The following ROBO1 variants were observed in gnomAD, a reference collection of about 807,000 sequenced individuals.
The protein encoded by ROBO1 is roundabout guidance receptor 1.
A neutral mutation model predicts 195.9 loss-of-function variants in ROBO1; 149 were observed. The observed-to-expected ratio is 0.76, with a 90% CI of 0.67 to 0.87. The LOEUF (loss-of-function observed/expected upper bound fraction) is 0.87, where lower values mean the gene tolerates loss of function less well. Among genes scored for constraint, ROBO1 ranks in the 40% least tolerant of loss-of-function variants. ROBO1 has a pLI of 0.00. For missense variants in ROBO1, 1,933 were observed against 2,068.3 expected, an observed-to-expected ratio of 0.93 and a Z score of 1.27; for synonymous variants, 816 against 733.2, an observed-to-expected ratio of 1.11 and a Z score of -1.82.
At chr3:79,052,154 T>A in intron 3 of ROBO1, among the ~76,000 whole-genome samples, 1 of 152,058 alleles carries the variant, frequency 6.6e-6, no homozygotes, top group East Asian at 1.9e-4. Context: ...CACTGAATTC[T>A]TTTTCTCAGC....
chr3:78,754,495 C>T (rs2082877837), intron 4 of ROBO1, among the ~76,000 whole-genome samples: 2 of 152,148 alleles, frequency 1.3e-5, no homozygotes, highest in Admixed American at 1.3e-4. Flanking sequence ...GTATTTATTG[C>T]CTGGCTCTTT....
At chr3:78,711,328 CTTCCTTCCTTCCTTCCTTCCT>C (rs2081689557) in intron 8 of ROBO1, among the ~76,000 whole-genome samples, 1 of 89,682 alleles carries the variant, frequency 1.1e-5, no homozygotes, top group African/African-American at 4.7e-5. Context: ...TCTCTCTCTC[CTTCCTTCCTTCCTTCCTTCCT>C]CCTTCCTTCC....
intron 4 of ROBO1, among the ~76,000 whole-genome samples, chr3:78,834,417 G>A (rs1333185654): frequency 6.7e-6 from 1 of 149,330 alleles, no homozygotes; most frequent in African/African-American, 2.5e-5. Flanking sequence ...ATGGTGCGGG[G>A]GTCAGAGGAA....
intron 2 of ROBO1, among the ~76,000 whole-genome samples, chr3:79,406,554 T>C (rs528841471): frequency 6.6e-6 from 1 of 151,980 alleles, no homozygotes; most frequent in African/African-American, 2.4e-5. Context: ...AGGGAAGAGA[T>C]GCATTGTGTG....
In ROBO1 at chr3:78,893,457, TCTC is replaced by T. The variant is rs547229672; in HGVS notation, c.499+45141_499+45143del. On this transcript the variant is annotated intron_variant, in intron 4 of 30. Transcript: ENST00000464233. ...CTGGCTGATGCCTTGACCCTAAACT[TCTC>T]AGCCTCTTCAACTGTGAGAAATAAA... 9.5e-4 allele frequency among the ~76,000 whole-genome samples: 144 copies of T among 152,290 alleles called. 1 individual carries two copies. Among genetic ancestry groups the T allele is most frequent in the African/African-American group, 3.3e-3 (139 of 41,560 alleles).
chr3:79,712,092 A>G (rs903961660), intron 1 of ROBO1, among the ~76,000 whole-genome samples: 4 of 152,074 alleles, frequency 2.6e-5, no homozygotes, highest in Non-Finnish European at 5.9e-5. Context: ...TTGAAACCAG[A>G]ACAACGAATA....
At chr3:78,913,904 C>A (rs759105430) in intron 4 of ROBO1, among the ~76,000 whole-genome samples, 13 of 152,132 alleles carry the variant, frequency 8.5e-5, no homozygotes, top group Non-Finnish European at 1.8e-4. Context: ...TTTCCCTAGG[C>A]TAGAGACCAA....
At chr3:79,446,742 T>C (rs1377372441) in intron 2 of ROBO1, among the ~76,000 whole-genome samples, 4 of 152,210 alleles carry the variant, frequency 2.6e-5, no homozygotes, top group African/African-American at 9.6e-5. Context: ...TCTACTCTCT[T>C]AGTCTTGTCT....
intron 3 of ROBO1, among the ~76,000 whole-genome samples, chr3:79,083,691 A>G (rs899172927): frequency 3.3e-5 from 5 of 152,180 alleles, no homozygotes; most frequent in African/African-American, 1.2e-4. Flanking sequence ...TTGGCCAATC[A>G]AGGGCAAAGT....
In ROBO1 at chr3:79,230,660, ATGT is replaced by A. The variant is rs1302533047; in HGVS notation, c.89-105124_89-105122del. On this transcript the variant is annotated intron_variant, in intron 2 of 30. Coordinates refer to ENST00000464233, the MANE Select transcript of ROBO1 (RefSeq NM_002941.4). ...CCATGCTCATGGATAGGAAGAATCAATGTTGTTAAAATACTACTGCTGAAAGCA... is the reference window on the plus strand; with the variant it reads ...CCATGCTCATGGATAGGAAGAATCAATGTTAAAATACTACTGCTGAAAGCA... Among the ~76,000 whole-genome samples the A allele has an allele frequency of 2.6e-5, 4 of 152,268 alleles. No individual in the cohort carries two copies. The East Asian group carries it at 7.7e-4, about 29-fold the overall frequency.
intron 1 of ROBO1, among the ~76,000 whole-genome samples, chr3:79,695,350 T>G (rs191747362): frequency 6.6e-6 from 1 of 151,744 alleles, no homozygotes; most frequent in Non-Finnish European, 1.5e-5. Context: ...ACAACCTCTT[T>G]GACGATGTGA....
intron 2 of ROBO1, among the ~76,000 whole-genome samples, chr3:79,225,409 T>A (rs1431323837): frequency 6.6e-6 from 1 of 152,174 alleles, no homozygotes; most frequent in African/African-American, 2.4e-5. Context: ...GCATAGAAAC[T>A]ATCCCTTAAA....
At chr3:79,080,190 CATT>C (rs1052811679) in intron 3 of ROBO1, among the ~76,000 whole-genome samples, 11 of 151,898 alleles carry the variant, frequency 7.2e-5, no homozygotes, top group Non-Finnish European at 1.2e-4. Context: ...TCATATAAAT[CATT>C]ATTTTTAAGA....
chr3:79,086,565 A>T (rs1002242307), intron 3 of ROBO1, among the ~76,000 whole-genome samples: 3 of 152,180 alleles, frequency 2.0e-5, no homozygotes, highest in African/African-American at 7.2e-5. Flanking sequence ...AGCTGCCCAG[A>T]CAGCTGAAGA....
Position 78,688,675 on chromosome 3 carries a change from A to G in ROBO1, c.1143T>C (p.Ala381=), listed in dbSNP as rs761188426. Residue 381 remains alanine, a synonymous_variant, in exon 9 of 31, where the codon GCT becomes GCC. Coordinates refer to ENST00000464233, the MANE Select transcript of ROBO1 (RefSeq NM_002941.4). ...QCEATGNPQP[A]IFWRREGSQN... is the part of the protein sequence containing the mutation. ...GACTCCCTTCTCTCCTCCAGAAAAT[A>G]GCTGGTTGAGGATTTCCGGTTGCTT... 1 of 1,606,110 alleles carries G rather than the reference A, an allele frequency of 6.2e-7. No homozygotes were observed. Among genetic ancestry groups the G allele is most frequent in the East Asian group, 2.2e-5 (1 of 44,634 alleles).
chr3:79,599,818 T>C (rs1469265012), intron 1 of ROBO1, among the ~76,000 whole-genome samples: 2 of 151,966 alleles, frequency 1.3e-5, no homozygotes, highest in African/African-American at 2.4e-5. Context: ...ATTCCTATAT[T>C]AGTAGAATTA....
intron 3 of ROBO1, among the ~76,000 whole-genome samples, chr3:79,116,258 T>C (rs2079992069): frequency 6.6e-6 from 1 of 152,044 alleles, no homozygotes; most frequent in Non-Finnish European, 1.5e-5. Context: ...AATCTCTTTC[T>C]TTCCCTTCCT....
intron 2 of ROBO1, among the ~76,000 whole-genome samples, chr3:79,562,906 A>G (rs1559995463): frequency 6.6e-6 from 1 of 152,052 alleles, no homozygotes; most frequent in Non-Finnish European, 1.5e-5. Flanking sequence ...TACCTAAAGC[A>G]TATTGATCAT....
intron 1 of ROBO1, among the ~76,000 whole-genome samples, chr3:79,747,139 G>A (rs1461682954): frequency 6.6e-6 from 1 of 151,924 alleles, no homozygotes; most frequent in Non-Finnish European, 1.5e-5. Context: ...ACTATATTTT[G>A]CTTGCAGATG....
Sources: allele counts gnomAD v4.1 joint callset (sites outside exome capture counted in the v4.1 genomes callset), GRCh38; gene constraint gnomAD v4.1.1; transcripts MANE v1.5; gene names NCBI Gene and HGNC (gene_info 2026-07-23, HGNC 2026-07-21).